The following ZCCHC2 variants were observed in gnomAD, a reference collection of about 807,000 sequenced individuals.
ZCCHC2 encodes the protein zinc finger CCHC-type containing 2, also known as zinc finger CCHC domain-containing protein 2.
In ZCCHC2, 39 loss-of-function variants were observed where a neutral mutation model predicts 103.6. That is an observed-to-expected ratio of 0.38 (90% CI 0.29 to 0.49). ZCCHC2 has a LOEUF of 0.49. Ranked by LOEUF, ZCCHC2 falls within the 20% of genes least tolerant of loss-of-function variation. ZCCHC2 has a pLI of 0.96. For missense variants in ZCCHC2, 1,483 were observed against 1,491.0 expected (o/e 0.99, Z 0.09); for synonymous variants, 687 against 608.9 (o/e 1.13, Z -1.89).
At chr18:62,574,034 C>T (rs376540374) in intron 12 of ZCCHC2, 23 bp from the exon 13 acceptor site, 1 of 1,598,534 alleles carries the variant, frequency 6.3e-7, no homozygotes, top group Non-Finnish European at 8.5e-7. Flanking sequence ...GTGTTAATAT[C>T]TCTTTATGTT....
chr18:62,564,241 T>C (rs868203459), intron 9 of ZCCHC2, among the ~76,000 whole-genome samples: 2 of 152,222 alleles, frequency 1.3e-5, no homozygotes, highest in African/African-American at 4.8e-5. Context: ...TTGACAGTTA[T>C]ATGGAATTGT....
intron 1 of ZCCHC2, 59 bp downstream of exon 1, chr18:62,524,422 C>A: frequency 7.0e-7 from 1 of 1,425,850 alleles, no homozygotes; most frequent in South Asian, 1.5e-5. Context: ...GCGGCCTCCC[C>A]GGCCTCGCTC....
intron 12 of ZCCHC2, among the ~76,000 whole-genome samples, 157 bp downstream of exon 12, chr18:62,570,388 C>T (rs993625282): frequency 5.3e-5 from 8 of 152,050 alleles, no homozygotes; most frequent in African/African-American, 1.2e-4. Context: ...TAAAGGATGT[C>T]GTATAGATCA....
chr18:62,558,363 A>G (rs781533736), intron 6 of ZCCHC2, among the ~76,000 whole-genome samples: 41 of 152,198 alleles, frequency 2.7e-4, no homozygotes, highest in Non-Finnish European at 3.8e-4. Context: ...AAAAATGAAA[A>G]CTGAATCTTT....
chr18:62,551,739 C>T (rs1915673767), intron 5 of ZCCHC2: 2 of 153,024 alleles, frequency 1.3e-5, no homozygotes, highest in African/African-American at 4.8e-5. Flanking sequence ...GTAGGAGGGA[C>T]ATAAATTCAG....
Position 62,576,838 on chromosome 18 carries a change from T to G in ZCCHC2, c.*259T>G. 2 of 277,812 alleles carry G rather than the reference T, an allele frequency of 7.2e-6. No homozygotes were observed. The highest frequency in any genetic ancestry group is 1.2e-5 in the Non-Finnish European group (2 of 161,548). 17.2% of individuals were successfully genotyped at this position (277,812 alleles called of 1,614,324 possible). A position where few individuals can be genotyped will look rare whatever the true frequency, so the allele number is the denominator to read the frequency against. On this transcript the variant is annotated 3_prime_UTR_variant, in exon 14 of 14. Transcript: ENST00000269499. ...ACCTTCAGACAAACTTAAATGTTGG[T>G]GCGTGCTTTTTTTTTTTTTTTTACA... is the stretch of plus-strand genomic sequence containing the variant.
At chr18:62,565,240 T>G (rs1404521045) in intron 11 of ZCCHC2, 144 bp downstream of exon 11, 2 of 592,782 alleles carry the variant, frequency 3.4e-6, no homozygotes, top group Non-Finnish European at 5.7e-6. Flanking sequence ...AATTTCCAAA[T>G]TAAACAGTTC....
chr18:62,575,604 C>T, intron 13 of ZCCHC2, 54 bp downstream of exon 13: 1 of 1,552,932 alleles, frequency 6.4e-7, no homozygotes, highest in Non-Finnish European at 8.8e-7. Context: ...ATTTCTCCTT[C>T]CTTTCCTTAT....
At position 62,577,128 on chromosome 18, in the gene ZCCHC2, C is replaced by T. The variant is rs949498334; in HGVS notation, c.*549C>T. 6.5e-6 allele frequency: 1 copy of T among 154,690 alleles called. No homozygotes were observed. Among genetic ancestry groups the T allele is most frequent in the African/African-American group, 2.4e-5 (1 of 41,392 alleles). 9.6% of individuals were successfully genotyped at this position (154,690 alleles called of 1,614,324 possible). A position where few individuals can be genotyped will look rare whatever the true frequency, so the allele number is the denominator to read the frequency against. On this transcript the variant is annotated 3_prime_UTR_variant, in exon 14 of 14. Transcript: ENST00000269499. Reference sequence around the variant, plus strand: ...ATAAACCAAGGGCAGAATGTTTCACCCTGATCTTATGGGAGGAATCAAACT... The same window carrying T: ...ATAAACCAAGGGCAGAATGTTTCACTCTGATCTTATGGGAGGAATCAAACT...
intron 3 of ZCCHC2, 128 bp from the exon 4 acceptor site, chr18:62,544,674 A>G (rs1353923917): frequency 1.4e-6 from 1 of 708,208 alleles, no homozygotes; most frequent in African/African-American, 1.9e-5. Flanking sequence ...TGCCAGATTA[A>G]CTTTATATTT....
At chr18:62,524,482 C>G in intron 1 of ZCCHC2, 119 bp downstream of exon 1, 1 of 1,375,802 alleles carries the variant, frequency 7.3e-7, no homozygotes, top group South Asian at 1.6e-5. Context: ...GCTCGGAATC[C>G]CCACCCGGCA....
chr18:62,580,506 T>C (rs112941873), downstream of ZCCHC2, among the ~76,000 whole-genome samples: 156 of 145,740 alleles, frequency 1.1e-3, 10 homozygotes, highest in African/African-American at 3.9e-3. Context: ...CCTCCCGAGA[T>C]GGTGTCACAG....
chr18:62,583,835 A>T (rs1229786491), intron 14 of ZCCHC2, among the ~76,000 whole-genome samples: 2 of 152,020 alleles, frequency 1.3e-5, no homozygotes, highest in Non-Finnish European at 2.9e-5. Flanking sequence ...CTGTTAAAGG[A>T]TGAGGGGCTC....
At chr18:62,551,808 A>G (rs1297037356) in intron 5 of ZCCHC2, 2 of 151,864 alleles carry the variant, frequency 1.3e-5, no homozygotes, top group Non-Finnish European at 2.9e-5. Flanking sequence ...TAATAAATAC[A>G]TTACATAAAA....
At position 62,575,085 on chromosome 18, in the gene ZCCHC2, G is replaced by T. The variant is rs549592015; in HGVS notation, c.3004G>T (p.Val1002Leu). 2 of 1,613,940 alleles carry T rather than the reference G, an allele frequency of 1.2e-6. No individual in the cohort carries two copies. The highest frequency in any genetic ancestry group is 2.7e-5 in the African/African-American group (2 of 74,944). The change falls in exon 13 of 14, where the codon GTG becomes TTG. Residue 1002 changes from valine to leucine, a missense_variant. By Grantham distance (32) the Val-to-Leu change is conservative (BLOSUM62 1). Coordinates refer to ENST00000269499, the MANE Select transcript of ZCCHC2 (RefSeq NM_017742.6). ...GAACACGAACGCTAATGGGACAGTAGTGCCACCGCAGCAGATGGGCTCAGG... is the reference window on the plus strand; with the variant it reads ...GAACACGAACGCTAATGGGACAGTATTGCCACCGCAGCAGATGGGCTCAGG... Reference protein sequence around the residue: ...VGNTNANGTVVPPQQMGSGPC... With the variant: ...VGNTNANGTVLPPQQMGSGPC...
At chr18:62,525,726 C>G (rs890519725) in intron 1 of ZCCHC2, among the ~76,000 whole-genome samples, 2 of 151,962 alleles carry the variant, frequency 1.3e-5, no homozygotes, top group Non-Finnish European at 2.9e-5. Flanking sequence ...ATGTAACGCT[C>G]TAGTGCCCAG....
chr18:62,554,093 T>C (rs970987916), intron 5 of ZCCHC2, among the ~76,000 whole-genome samples: 1 of 150,312 alleles, frequency 6.7e-6, no homozygotes, highest in African/African-American at 2.5e-5. Flanking sequence ...TCATTTGTAA[T>C]TTATTTTGAT....
In ZCCHC2 at chr18:62,563,114, C is replaced by G; in HGVS notation, c.1656C>G (p.His552Gln). 6.2e-7 allele frequency: 1 copy of G among 1,613,754 alleles called. No homozygotes were observed. Among genetic ancestry groups the G allele is most frequent in the Non-Finnish European group, 8.5e-7 (1 of 1,179,710 alleles). Reference protein sequence around the residue: ...WRKQSCTTIQHPEHCVTSADQ... With the variant: ...WRKQSCTTIQQPEHCVTSADQ... ...AGCAAAGCTGTACCACCATTCAACA[C>G]CCAGAGCACTGTGTGACCTCGGCTG... The change falls in exon 9 of 14, where the codon CAC (histidine) becomes CAG (glutamine). Residue 552 changes from histidine (H) to glutamine (Q), a missense_variant. Transcript: ENST00000269499.
chr18:62,575,345 A>T lies in ZCCHC2; in HGVS notation c.3264A>T (p.Pro1088=), dbSNP rs370429597. The part of the protein sequence containing the change: ...TPYANGLVHD[P]VMGSQANYGM... Reference sequence around the variant, plus strand: ...ATGCAAATGGACTGGTACATGACCCAGTCATGGGGAGCCAAGCCAACTATG... The same window carrying T: ...ATGCAAATGGACTGGTACATGACCCTGTCATGGGGAGCCAAGCCAACTATG... Residue 1088 remains proline (P), a synonymous_variant, in exon 13 of 14, where the codon CCA becomes CCT. Transcript: ENST00000269499. The T allele has an allele frequency of 3.7e-6, 6 of 1,613,874 alleles. No individual in the cohort carries two copies. Among genetic ancestry groups the T allele is most frequent in the Non-Finnish European group, 5.1e-6 (6 of 1,179,880 alleles).
Sources: allele counts gnomAD v4.1 joint callset (sites outside exome capture counted in the v4.1 genomes callset), GRCh38; gene constraint gnomAD v4.1.1; transcripts MANE v1.5; gene names NCBI Gene and HGNC (gene_info 2026-07-23, HGNC 2026-07-21).